The following SGCD variants were observed in gnomAD, a reference collection of about 807,000 sequenced individuals.
SGCD encodes delta-sarcoglycan.
SGCD carries 18 observed loss-of-function variants against 36.6 expected under a neutral mutation model. The observed-to-expected ratio is 0.49, with a 90% confidence interval of 0.34 to 0.73. The LOEUF is 0.73. SGCD is among the 30% of genes least tolerant of loss of function. The probability of loss-of-function intolerance (pLI) is 0.01; values close to 1 mark genes in which losing one functional copy is unlikely to be tolerated. For synonymous variants in SGCD, 133 were observed against 130.6 expected (o/e 1.02, Z -0.12); for missense variants, 387 against 346.7 (o/e 1.12, Z -0.92).
the SGCD span, among the ~76,000 whole-genome samples, chr5:155,732,703 T>C: frequency 1.3e-5 from 2 of 152,138 alleles, no homozygotes; most frequent in African/African-American, 2.4e-5. Flanking sequence ...GCTTACTGAA[T>C]CAAAACCTTG....
intron 3 of SGCD, among the ~76,000 whole-genome samples, chr5:156,405,906 T>C (rs1772374659): frequency 6.6e-6 from 1 of 151,790 alleles, no homozygotes; most frequent in African/African-American, 2.4e-5. Flanking sequence ...TGATGGATTT[T>C]ACAAGGCAGG....
At chr5:156,301,355 G>T (rs1767049462) in intron 3 of SGCD, among the ~76,000 whole-genome samples, 1 of 151,926 alleles carries the variant, frequency 6.6e-6, no homozygotes, top group Non-Finnish European at 1.5e-5. Context: ...ACTGTAAAAA[G>T]AAACAAACTA....
chr5:156,357,265 A>G (rs151280723), intron 3 of SGCD, among the ~76,000 whole-genome samples: 362 of 152,330 alleles, frequency 2.4e-3, no homozygotes, highest in African/African-American at 8.0e-3. Flanking sequence ...TCCTCTTTCT[A>G]TGTAAAGAAA....
chr5:156,477,672 A>T (rs1755242605), intron 3 of SGCD, among the ~76,000 whole-genome samples: 1 of 143,872 alleles, frequency 7.0e-6, no homozygotes, highest in Non-Finnish European at 1.5e-5. Flanking sequence ...AACACAGCTT[A>T]AAAGTATTTG....
At chr5:156,077,787 G>A (rs1760828823) in intron 1 of SGCD, among the ~76,000 whole-genome samples, 1 of 152,122 alleles carries the variant, frequency 6.6e-6, no homozygotes, top group Non-Finnish European at 1.5e-5. Context: ...TGACACTACT[G>A]TGTACTCAGG....
intron 1 of SGCD, among the ~76,000 whole-genome samples, chr5:155,872,204 G>A (rs1448939820): frequency 1.3e-5 from 2 of 152,116 alleles, no homozygotes; most frequent in African/African-American, 4.8e-5. Flanking sequence ...TAATGCCTGC[G>A]ACAGCTTTAG....
At chr5:156,636,238 T>G (rs919079025) in intron 6 of SGCD, among the ~76,000 whole-genome samples, 4 of 152,176 alleles carry the variant, frequency 2.6e-5, no homozygotes, top group African/African-American at 9.7e-5. Context: ...TACTTACTAC[T>G]TACTGGAAAA....
At chr5:155,872,351 GCACACACA>G (rs3085993) in intron 1 of SGCD, among the ~76,000 whole-genome samples, 27 of 145,068 alleles carry the variant, frequency 1.9e-4, no homozygotes, top group East Asian at 1.0e-3. Flanking sequence ...CTTCTCTTCA[GCACACACA>G]CACACACACA....
intron 6 of SGCD, among the ~76,000 whole-genome samples, chr5:156,623,610 T>C (rs1311532212): frequency 2.6e-5 from 4 of 152,212 alleles, no homozygotes; most frequent in Admixed American, 2.6e-4. Flanking sequence ...ACTCAGTTGC[T>C]TGATGTGAGC....
intron 1 of SGCD, among the ~76,000 whole-genome samples, chr5:156,074,887 G>A (rs1353682295): frequency 2.0e-5 from 3 of 152,116 alleles, no homozygotes; most frequent in Non-Finnish European, 2.9e-5. Flanking sequence ...GAAGAAATAG[G>A]TCAAAAAGGG....
chr5:156,407,268 C>G (rs1378089575), intron 3 of SGCD, among the ~76,000 whole-genome samples: 2 of 152,172 alleles, frequency 1.3e-5, no homozygotes, highest in African/African-American at 4.8e-5. Flanking sequence ...GGATACTAAG[C>G]CAGCACATAA....
intron 3 of SGCD, among the ~76,000 whole-genome samples, chr5:156,268,025 C>T (rs1766048099): frequency 6.6e-6 from 1 of 152,150 alleles, no homozygotes; most frequent in African/African-American, 2.4e-5. Flanking sequence ...GTCTGCTGTT[C>T]CCTTCTTTGT....
At chr5:156,319,074 G>A (rs1440073615) in intron 3 of SGCD, among the ~76,000 whole-genome samples, 1 of 152,132 alleles carries the variant, frequency 6.6e-6, no homozygotes, top group Non-Finnish European at 1.5e-5. Context: ...AAGCCCCTAT[G>A]TGCATTTTAC....
chr5:156,163,018 T>C (rs1028456641), intron 3 of SGCD, among the ~76,000 whole-genome samples: 2 of 151,562 alleles, frequency 1.3e-5, no homozygotes, highest in Admixed American at 1.3e-4. Flanking sequence ...TGGTGGGTAT[T>C]GGGATGGCAA....
Position 156,765,677 on chromosome 5 carries a change from C to T in SGCD, c.*6287C>T, listed in dbSNP as rs989346650. On this transcript the variant is annotated 3_prime_UTR_variant, in exon 9 of 9. Coordinates refer to ENST00000337851, the MANE Select transcript of SGCD (RefSeq NM_000337.6). ...TGGGTTTTAATATAGTTCCAATATT[C>T]GGATGTGAAAACTGAGGCTTATAGT... 3 of 152,054 alleles carry T rather than the reference C, an allele frequency of 2.0e-5. No homozygotes were observed. Among genetic ancestry groups the T allele is most frequent in the African/African-American group, 7.2e-5 (3 of 41,402 alleles). 9.4% of individuals were successfully genotyped at this position (152,054 alleles called of 1,614,324 possible). A position where few individuals can be genotyped will look rare whatever the true frequency, so the allele number is the denominator to read the frequency against.
At chr5:156,395,381 T>A (rs1771793026) in intron 3 of SGCD, among the ~76,000 whole-genome samples, 1 of 152,222 alleles carries the variant, frequency 6.6e-6, no homozygotes. Flanking sequence ...TGTCAGTTAT[T>A]TAATGACGTC....
At chr5:156,329,625 G>A (rs778959133) in intron 2 of SGCD, 46 bp downstream of exon 2, 3 of 1,576,118 alleles carry the variant, frequency 1.9e-6, no homozygotes, top group African/African-American at 2.7e-5. Context: ...CCTGCTCATG[G>A]TCATTTTATT....
chr5:156,234,540 A>G (rs1339470270), intron 3 of SGCD, among the ~76,000 whole-genome samples: 2 of 152,214 alleles, frequency 1.3e-5, no homozygotes, highest in African/African-American at 4.8e-5. Flanking sequence ...TCTAAGTGAA[A>G]ACATGATTTT....
At chr5:156,118,090 A>T (rs1353127376) in intron 2 of SGCD, 1 of 152,186 alleles carries the variant, frequency 6.6e-6, no homozygotes, top group Non-Finnish European at 1.5e-5. Flanking sequence ...TATGTGGTCC[A>T]ATTCTTCCTT....
Sources: gnomAD v4.1 joint callset for allele counts (sites outside exome capture counted in the v4.1 genomes callset) on GRCh38, gnomAD v4.1.1 for gene constraint, MANE v1.5 for transcripts, NCBI Gene and HGNC (gene_info 2026-07-23, HGNC 2026-07-21) for gene names.